Variants in FLT4 observed in about 807,000 individuals in gnomAD.
The protein encoded by FLT4 is vascular endothelial growth factor receptor 3.
Under a neutral mutation model 163.2 loss-of-function variants are expected in FLT4, and 30 were observed. The ratio of observed to expected loss-of-function variants is 0.18; its 90% CI spans 0.14 to 0.25. The LOEUF (loss-of-function observed/expected upper bound fraction) is 0.25. Among genes scored for constraint, FLT4 ranks in the 10% least tolerant of loss-of-function variants. The pLI, the probability that FLT4 is intolerant of heterozygous loss-of-function variation, is 1.00. For missense variants in FLT4, 1,510 were observed against 1,863.8 expected, an observed-to-expected ratio of 0.81 and a Z score of 3.50; for synonymous variants, 884 against 789.5, an observed-to-expected ratio of 1.12 and a Z score of -2.01.
chr5:180,632,328 G>T (rs997519941), intron 1 of FLT4, among the ~76,000 whole-genome samples: 2 of 139,976 alleles, frequency 1.4e-5, no homozygotes, highest in South Asian at 2.2e-4. Context: ...CCCAGGCCAC[G>T]TGGTGTCACC....
At chr5:180,618,105 G>A (rs1350588815) in intron 21 of FLT4, among the ~76,000 whole-genome samples, 9 of 37,642 alleles carry the variant, frequency 2.4e-4, no homozygotes, top group Admixed American at 7.9e-4. Context: ...CTGCCCCTCA[G>A]CCTCTGGGAC....
intron 21 of FLT4, 37 bp from the exon 22 acceptor site, chr5:180,617,031 C>A: frequency 2.1e-6 from 3 of 1,451,890 alleles, no homozygotes; most frequent in Admixed American, 1.7e-5. Flanking sequence ...GGAGGCGCCT[C>A]CTCCGCGGCC....
At chr5:180,644,401 G>C (rs1368017593) in intron 1 of FLT4, among the ~76,000 whole-genome samples, 1 of 152,226 alleles carries the variant, frequency 6.6e-6, no homozygotes, top group Non-Finnish European at 1.5e-5. Context: ...GGACAGCAAA[G>C]TAAAAATGGC....
At chr5:180,642,884 G>A (rs566559980) in intron 1 of FLT4, among the ~76,000 whole-genome samples, 1 of 152,348 alleles carries the variant, frequency 6.6e-6, no homozygotes, top group South Asian at 2.1e-4. Flanking sequence ...ACAGCAGCAA[G>A]CGTGCACCGA....
intron 1 of FLT4, among the ~76,000 whole-genome samples, chr5:180,645,849 A>G (rs1159525059): frequency 6.6e-6 from 1 of 152,094 alleles, no homozygotes; most frequent in Non-Finnish European, 1.5e-5. Flanking sequence ...AGCTGGACAC[A>G]CTGACTGAAT....
At chr5:180,608,202 G>A (rs1278969064) in intron 29 of FLT4, 3 of 700,696 alleles carry the variant, frequency 4.3e-6, no homozygotes, top group East Asian at 5.4e-5. Context: ...AATAGCGAAA[G>A]TCTTAAAGTC....
chr5:180,612,449 A>G, intron 26 of FLT4, 57 bp downstream of exon 26: 3 of 1,308,672 alleles, frequency 2.3e-6, no homozygotes. Context: ...AGCTCGGGCC[A>G]GGGACCCAGG....
At position 180,625,940 on chromosome 5, in the gene FLT4, C is replaced by G. The variant is rs570229742; in HGVS notation, c.1350G>C (p.Val450=). ...RQALTCTAYG[V]PLPLSIQWHW... Reference sequence around the variant, plus strand: ...GCCACTGGATGCTGAGAGGCAGGGGCACCCCGTAGGCCGTGCAGGTGAGGG... The same window carrying G: ...GCCACTGGATGCTGAGAGGCAGGGGGACCCCGTAGGCCGTGCAGGTGAGGG... The change falls in exon 10 of 30, where the codon GTG becomes GTC. Residue 450 remains valine, a synonymous_variant. Coordinates refer to ENST00000261937, the MANE Select transcript of FLT4 (RefSeq NM_182925.5). 1 of 1,612,680 alleles carries G rather than the reference C, an allele frequency of 6.2e-7. No homozygotes were observed. Among genetic ancestry groups the G allele is most frequent in the African/African-American group, 1.3e-5 (1 of 75,044 alleles).
chr5:180,636,632 C>A lies in FLT4; in HGVS notation c.59-4854G>T, dbSNP rs930285903. Among the ~76,000 whole-genome samples, 1 of 151,848 alleles carries A rather than the reference C, an allele frequency of 6.6e-6. No homozygotes were observed. The highest frequency in any genetic ancestry group is 6.6e-5 in the Admixed American group (1 of 15,248). The stretch of plus-strand genomic sequence containing the variant: ...TCACCAGCACCCTGGCCTCTGAGAT[C>A]CCCCCTGCACGGCCCTCACATCTTC... On this transcript the variant is annotated intron_variant, in intron 1 of 29. Transcript: ENST00000261937. The surrounding 1 kb of genome is among the most constrained non-coding windows in gnomAD (Gnocchi z 4.3).
intron 13 of FLT4, 108 bp downstream of exon 13, chr5:180,621,434 G>T: frequency 1.3e-6 from 2 of 1,510,126 alleles, no homozygotes; most frequent in Non-Finnish European, 1.8e-6. Flanking sequence ...GCTCCTGCAG[G>T]CCAGGGCTGT....
chr5:180,616,497 G>A lies in FLT4; in HGVS notation c.3097-8C>T. ...CAGGTCTCTGTGGATGCACTGGGGT[G>A]CGGGGAGGCGGCAGGGGGGCTGTCA... On this transcript the variant is annotated splice_polypyrimidine_tract_variant and splice_region_variant and intron_variant, in intron 22 of 29. Coordinates refer to ENST00000261937, the MANE Select transcript of FLT4 (RefSeq NM_182925.5). 6.2e-7 allele frequency: 1 copy of A among 1,613,548 alleles called. No individual in the cohort carries two copies. Among genetic ancestry groups the A allele is most frequent in the Non-Finnish European group, 8.5e-7 (1 of 1,179,944 alleles).
rs533142214 is a variant in FLT4, at chr5:180,621,126, C to T, written c.2147G>A (p.Arg716Lys). 4.3e-6 allele frequency: 7 copies of T among 1,612,826 alleles called. No homozygotes were observed. In the African/African-American group the frequency reaches 8.0e-5, roughly 18 times the overall value. The change falls in exon 14 of 30, where the codon AGG becomes AAG. Residue 716 changes from arginine to lysine, a missense_variant. By Grantham distance (26) the Arg-to-Lys change is conservative. Around this residue, in one of 5 missense-constraint regions of FLT4, gnomAD observed 878 missense variants for 1,016.7 expected, o/e 0.86. Transcript: ENST00000261937. ...APSIVWYKDE[R>K]LLEEKSGVDL... Reference sequence around the variant, plus strand: ...CCTACCAGACTTTTCCTCCAGCAGCCTCTCGTCTTTGTACCACACGATGCT... The same window carrying T: ...CCTACCAGACTTTTCCTCCAGCAGCTTCTCGTCTTTGTACCACACGATGCT...
intron 13 of FLT4, 72 bp downstream of exon 13, chr5:180,621,470 C>A: frequency 6.3e-7 from 1 of 1,579,158 alleles, no homozygotes; most frequent in Admixed American, 1.7e-5. Context: ...GGGCGAGCCA[C>A]GCCGGGGCAA....
chr5:180,634,358 C>T (rs1233318516), intron 1 of FLT4, among the ~76,000 whole-genome samples: 3 of 152,160 alleles, frequency 2.0e-5, no homozygotes, highest in African/African-American at 7.2e-5. Context: ...TATTCATCTT[C>T]CTAAGCCCAA....
intron 14 of FLT4, 34 bp downstream of exon 14, chr5:180,621,072 C>T (rs1376321162): frequency 8.7e-6 from 14 of 1,612,492 alleles, no homozygotes; most frequent in Non-Finnish European, 1.0e-5. Flanking sequence ...CGCGGGCCTC[C>T]GGACCTGCCC....
chr5:180,626,708 CTCTT>C (rs1763645317), intron 8 of FLT4, among the ~76,000 whole-genome samples: 1 of 152,236 alleles, frequency 6.6e-6, no homozygotes, highest in African/African-American at 2.4e-5. Flanking sequence ...AGACCCCGTC[CTCTT>C]TCTTAGACAC....
intron 1 of FLT4, among the ~76,000 whole-genome samples, chr5:180,647,389 T>C (rs1374873111): frequency 6.6e-6 from 1 of 151,826 alleles, no homozygotes; most frequent in African/African-American, 2.4e-5. Flanking sequence ...ATGGCTATGC[T>C]TGGGGAAACT....
chr5:180,647,679 C>T (rs1162653251), intron 1 of FLT4, among the ~76,000 whole-genome samples: 2 of 152,000 alleles, frequency 1.3e-5, no homozygotes, highest in East Asian at 3.9e-4. Context: ...TTCAGCCTAG[C>T]AGGGGGTACA....
intron 1 of FLT4, among the ~76,000 whole-genome samples, chr5:180,643,797 G>A (rs1463497802): frequency 6.6e-6 from 1 of 151,444 alleles, no homozygotes; most frequent in Non-Finnish European, 1.5e-5. Context: ...GCTCTGTGGA[G>A]CGGCCGGCTC....
Sources: gnomAD v4.1 joint callset for allele counts (sites outside exome capture counted in the v4.1 genomes callset) on GRCh38, gnomAD v4.1.1 for gene constraint, gnomAD v4.1.1 regional missense constraint, Gnocchi (gnomAD v3.1) non-coding constraint, MANE v1.5 for transcripts, NCBI Gene and HGNC (gene_info 2026-07-23, HGNC 2026-07-21) for gene names.